The following ZNF704 variants were observed in gnomAD, a reference collection of about 807,000 sequenced individuals.
ZNF704 encodes zinc finger protein 704.
Under a neutral mutation model 44.7 loss-of-function variants are expected in ZNF704, and 10 were observed. The observed-to-expected ratio is 0.22, with a 90% CI of 0.14 to 0.38. ZNF704 has a LOEUF of 0.38. ZNF704 is among the 10% of genes least tolerant of loss of function. The pLI is 1.00. For missense variants in ZNF704, 390 were observed against 545.5 expected (o/e 0.71, Z 2.84); for synonymous variants, 211 against 207.6 (o/e 1.02, Z -0.14).
chr8:80,797,817 T>C (rs1013846840), intron 2 of ZNF704, among the ~76,000 whole-genome samples: 4 of 152,000 alleles, frequency 2.6e-5, no homozygotes, highest in Admixed American at 2.6e-4. Flanking sequence ...TAAAGGTCAC[T>C]GAAAAAAAAA....
rs1465627174 is a variant in ZNF704, at chr8:80,874,051, G to C, written c.-22+520C>G. Among the ~76,000 whole-genome samples the C allele has an allele frequency of 2.0e-5, 3 of 146,906 alleles. No individual in the cohort carries two copies. Among genetic ancestry groups the C allele is most frequent in the African/African-American group, 7.3e-5 (3 of 40,918 alleles). ...CTAGACGCCGCGCCTGCATGCCTGA[G>C]CGCGGGGTTGCGGGCCGCGGCGCGG... On this transcript the variant is annotated intron_variant, in intron 1 of 8. Coordinates refer to ENST00000327835, the MANE Select transcript of ZNF704 (RefSeq NM_001033723.3). The surrounding 1 kb of genome is among the most constrained non-coding windows in gnomAD (Gnocchi z 4.4).
intron 1 of ZNF704, among the ~76,000 whole-genome samples, chr8:80,841,408 C>T (rs1199557546): frequency 6.6e-6 from 1 of 151,692 alleles, no homozygotes; most frequent in Non-Finnish European, 1.5e-5. Context: ...CTTTTTTTTT[C>T]CCTTTGCAGC....
intron 5 of ZNF704, among the ~76,000 whole-genome samples, chr8:80,670,258 A>G (rs1259848815): frequency 1.3e-5 from 2 of 152,232 alleles, no homozygotes; most frequent in African/African-American, 4.8e-5. Context: ...GGCTCAGGGC[A>G]GCAGCTTGCC....
At chr8:80,790,351 G>A (rs758419462) in intron 2 of ZNF704, among the ~76,000 whole-genome samples, 1 of 152,146 alleles carries the variant, frequency 6.6e-6, no homozygotes, top group Non-Finnish European at 1.5e-5. Context: ...TGGATCAGTG[G>A]AGAGAAGGAA....
At chr8:80,693,393 T>C (rs73693823) in intron 2 of ZNF704, among the ~76,000 whole-genome samples, 6,589 of 152,220 alleles carry the variant, frequency 0.043, 502 homozygotes, top group African/African-American at 0.15. Flanking sequence ...CCACGAGTGA[T>C]ATGAGGTGAA....
intron 2 of ZNF704, among the ~76,000 whole-genome samples, chr8:80,794,888 G>A (rs1003659883): frequency 1.3e-5 from 2 of 152,232 alleles, no homozygotes; most frequent in Non-Finnish European, 2.9e-5. Context: ...GATGCCATGA[G>A]TAGAATTCTG....
chr8:80,713,285 A>G (rs757537941), intron 2 of ZNF704, among the ~76,000 whole-genome samples: 1 of 152,192 alleles, frequency 6.6e-6, no homozygotes, highest in African/African-American at 2.4e-5. Context: ...CATACTGTTG[A>G]CGTGTTACTG....
intron 2 of ZNF704, among the ~76,000 whole-genome samples, chr8:80,750,056 T>C (rs1806914914): frequency 6.6e-6 from 1 of 152,122 alleles, no homozygotes; most frequent in South Asian, 2.1e-4. Context: ...AACTATCCCT[T>C]AGGCTAATCA....
At chr8:80,807,850 C>CCAG (rs1554583493) in intron 2 of ZNF704, among the ~76,000 whole-genome samples, 45 of 151,986 alleles carry the variant, frequency 3.0e-4, no homozygotes, top group Admixed American at 4.6e-4. Flanking sequence ...ATTTTTAAAA[C>CCAG]AAAATGGGCT....
intron 2 of ZNF704, among the ~76,000 whole-genome samples, chr8:80,721,305 T>C (rs1034001461): frequency 3.9e-5 from 6 of 152,090 alleles, no homozygotes; most frequent in Non-Finnish European, 7.4e-5. Context: ...GATTCCTTTA[T>C]AATAAAAAGG....
intron 2 of ZNF704, among the ~76,000 whole-genome samples, chr8:80,792,653 G>T (rs1807730770): frequency 6.6e-6 from 1 of 152,200 alleles, no homozygotes; most frequent in South Asian, 2.1e-4. Context: ...AACACATCAG[G>T]AGTAAAGGTT....
intron 1 of ZNF704, among the ~76,000 whole-genome samples, chr8:80,852,908 T>C (rs765862915): frequency 1.3e-5 from 2 of 152,228 alleles, no homozygotes; most frequent in Non-Finnish European, 2.9e-5. Flanking sequence ...TATTTTCTGA[T>C]GTAAATTAAG....
rs1382965984 is a variant in ZNF704, at chr8:80,687,424, G to A, written c.360C>T (p.Cys120=). 3.8e-6 allele frequency: 6 copies of A among 1,591,052 alleles called. No homozygotes were observed. Among genetic ancestry groups the A allele is most frequent in the Admixed American group, 3.4e-5 (2 of 58,224 alleles). ...CGCTGCTGCTGGTGCTGGAAGGCAC[G>A]CAGCCGCCCTCCTTCCAGGATCCGC... The part of the protein sequence containing the change: ...SLSGSWKEGG[C]VPSSTSSSGY... Residue 120 remains cysteine (C), a synonymous_variant, in exon 4 of 9, where the codon TGC becomes TGT. Transcript: ENST00000327835.
chr8:80,670,214 G>A (rs1466116588), intron 5 of ZNF704, among the ~76,000 whole-genome samples: 3 of 152,192 alleles, frequency 2.0e-5, no homozygotes, highest in African/African-American at 7.2e-5. Flanking sequence ...ACCCTGAAGA[G>A]CTGACATTAT....
chr8:80,815,251 C>T (rs1808157611), intron 2 of ZNF704, among the ~76,000 whole-genome samples: 1 of 152,188 alleles, frequency 6.6e-6, no homozygotes, highest in African/African-American at 2.4e-5. Flanking sequence ...ACAATCTGTA[C>T]TATTCTAATA....
At chr8:80,659,784 T>C in intron 6 of ZNF704, 95 bp from the exon 7 acceptor site, 1 of 1,043,574 alleles carries the variant, frequency 9.6e-7, no homozygotes, top group Middle Eastern at 2.4e-4. Flanking sequence ...AGAAATGGTC[T>C]CAGCTATATT....
upstream of ZNF704, among the ~76,000 whole-genome samples, chr8:80,877,757 G>A (rs1322559818): frequency 1.3e-5 from 2 of 152,034 alleles, no homozygotes; most frequent in East Asian, 1.9e-4. Context: ...GTGCAGCAGC[G>A]AACAAAATAA....
intron 2 of ZNF704, among the ~76,000 whole-genome samples, chr8:80,722,417 G>A (rs937558523): frequency 4.7e-4 from 72 of 152,112 alleles, no homozygotes; most frequent in African/African-American, 1.5e-3. Context: ...GAAGATTAAC[G>A]AATACAAACA....
At chr8:80,811,840 C>T (rs1808088465) in intron 2 of ZNF704, among the ~76,000 whole-genome samples, 1 of 152,184 alleles carries the variant, frequency 6.6e-6, no homozygotes, top group African/African-American at 2.4e-5. Flanking sequence ...AGAAGGTGAG[C>T]TGCAGTGGGC....
Sources: allele counts gnomAD v4.1 joint callset (sites outside exome capture counted in the v4.1 genomes callset), GRCh38; gene constraint gnomAD v4.1.1; non-coding constraint Gnocchi (gnomAD v3.1); transcripts MANE v1.5; gene names NCBI Gene and HGNC (gene_info 2026-07-23, HGNC 2026-07-21).